OLIG3: variants seen among roughly 807,000 people sequenced by gnomAD.
OLIG3 encodes the protein oligodendrocyte transcription factor 3.
OLIG3 carries 12 observed loss-of-function variants against 14.7 expected under a neutral mutation model. That is an observed-to-expected ratio of 0.82 (90% CI 0.52 to 1.32). The LOEUF (loss-of-function observed/expected upper bound fraction) is 1.32. Among genes scored for constraint, OLIG3 ranks in the 40% most tolerant of loss-of-function variants. The probability of loss-of-function intolerance (pLI) is 0.00; values close to 1 mark genes in which losing one functional copy is unlikely to be tolerated. For missense variants in OLIG3, 405 were observed against 373.7 expected, an observed-to-expected ratio of 1.08 and a Z score of -0.69; for synonymous variants, 192 against 171.4, an observed-to-expected ratio of 1.12 and a Z score of -0.94.
rs746125682 is a variant in OLIG3, at chr6:137,494,072, C to CTGG, written c.96_98dup (p.His32dup). The CTGG allele has an allele frequency of 3.1e-6, 5 of 1,611,660 alleles. No individual in the cohort carries two copies. The highest frequency in any genetic ancestry group is 1.3e-5 in the African/African-American group (1 of 74,916). The stretch of plus-strand genomic sequence containing the variant: ...ACGAGACCGAGTTGAGACGGCTCTC[C>CTGG]TGGTGGTGGTGGTGGCGGTGGTGGT... On this transcript the variant is annotated inframe_insertion, in exon 1 of 1. Transcript: ENST00000367734.
At position 137,493,293 on chromosome 6, in the gene OLIG3, G is replaced by A; in HGVS notation, c.*59C>T. ...CAGCCTCCCTCTTCCCTCCCGGCCC[G>A]GCACCGCGGCCCCTCCCGCCGCTCT... On this transcript the variant is annotated 3_prime_UTR_variant, in exon 1 of 1. Coordinates refer to ENST00000367734, the MANE Select transcript of OLIG3 (RefSeq NM_175747.2). This position sits in a 1 kb window ranked among gnomAD's most constrained non-coding sequence, Gnocchi z 6.1. 2 of 1,387,764 alleles carry A rather than the reference G, an allele frequency of 1.4e-6. No homozygotes were observed. Among genetic ancestry groups the A allele is most frequent in the Non-Finnish European group, 1.9e-6 (2 of 1,055,156 alleles). The allele number at this position is 1,387,764 out of a possible 1,614,324, so 86.0% of individuals were successfully genotyped here.
rs2114737947 is a variant in OLIG3, at chr6:137,493,266, T to C, written c.*86A>G. ...AGCCTGCCCTCCCGTGGGCCGAGCG[T>C]GCAGCCTCCCTCTTCCCTCCCGGCC... is the stretch of plus-strand genomic sequence containing the variant. On this transcript the variant is annotated 3_prime_UTR_variant, in exon 1 of 1. Coordinates refer to ENST00000367734, the MANE Select transcript of OLIG3 (RefSeq NM_175747.2). This position sits in a 1 kb window ranked among gnomAD's most constrained non-coding sequence, Gnocchi z 6.1. 2 of 1,148,812 alleles carry C rather than the reference T, an allele frequency of 1.7e-6. No homozygotes were observed. The highest frequency in any genetic ancestry group is 1.7e-5 in the South Asian group (1 of 60,394). The allele number at this position is 1,148,812 out of a possible 1,614,324, so 71.2% of individuals were successfully genotyped here.
Position 137,493,292 on chromosome 6 carries a change from C to T in OLIG3, c.*60G>A, listed in dbSNP as rs1308285629. On this transcript the variant is annotated 3_prime_UTR_variant, in exon 1 of 1. Coordinates refer to ENST00000367734, the MANE Select transcript of OLIG3 (RefSeq NM_175747.2). The surrounding 1 kb of genome is among the most constrained non-coding windows in gnomAD (Gnocchi z 6.1). ...GCAGCCTCCCTCTTCCCTCCCGGCCCGGCACCGCGGCCCCTCCCGCCGCTC... is the reference window on the plus strand; with the variant it reads ...GCAGCCTCCCTCTTCCCTCCCGGCCTGGCACCGCGGCCCCTCCCGCCGCTC... 2 of 1,382,500 alleles carry T rather than the reference C, an allele frequency of 1.4e-6. No homozygotes were observed. Among genetic ancestry groups the T allele is most frequent in the Non-Finnish European group, 1.9e-6 (2 of 1,049,800 alleles). The allele number at this position is 1,382,500 out of a possible 1,614,324, so 85.6% of individuals were successfully genotyped here.
In OLIG3 at chr6:137,494,014, C is replaced by T. The variant is rs1254847652; in HGVS notation, c.157G>A (p.Gly53Arg). 5.0e-6 allele frequency: 8 copies of T among 1,613,178 alleles called. No individual in the cohort carries two copies. Among genetic ancestry groups the T allele is most frequent in the South Asian group, 2.2e-5 (2 of 91,084 alleles). Residue 53 changes from glycine (G) to arginine (R), a missense_variant, in exon 1 of 1, where the codon GGG (glycine) becomes AGG (arginine). By Grantham distance (125) the Gly-to-Arg change is moderately radical. Around this residue, in one of 3 missense-constraint regions of OLIG3, gnomAD observed 165 missense variants for 165.5 expected, o/e 1.00. Coordinates refer to ENST00000367734, the MANE Select transcript of OLIG3 (RefSeq NM_175747.2). The stretch of plus-strand genomic sequence containing the variant: ...GCGCCAGCCCGCGAGAGGCTTTCCC[C>T]GGGCATCTTCTGCATCATATCGCCC... ...TQGDMMQKMP[G>R]ESLSRAGAKA...
In OLIG3 at chr6:137,493,290, C is replaced by T; in HGVS notation, c.*62G>A. On this transcript the variant is annotated 3_prime_UTR_variant, in exon 1 of 1. Coordinates refer to ENST00000367734, the MANE Select transcript of OLIG3 (RefSeq NM_175747.2). This position sits in a 1 kb window ranked among gnomAD's most constrained non-coding sequence, Gnocchi z 6.1. The stretch of plus-strand genomic sequence containing the variant: ...GTGCAGCCTCCCTCTTCCCTCCCGG[C>T]CCGGCACCGCGGCCCCTCCCGCCGC... 3.6e-6 allele frequency: 5 copies of T among 1,374,096 alleles called. No individual in the cohort carries two copies. The highest frequency in any genetic ancestry group is 4.8e-6 in the Non-Finnish European group (5 of 1,042,858). 85.1% of individuals were successfully genotyped at this position (1,374,096 alleles called of 1,614,324 possible).
In OLIG3 at chr6:137,494,364, C is replaced by T; in HGVS notation, c.-194G>A. Reference sequence around the variant, plus strand: ...GCCCCTCTCTCTGGTTAGGCTGCTTCCTGGACAGCTAGTTGGTGTGTGCTT... The same window carrying T: ...GCCCCTCTCTCTGGTTAGGCTGCTTTCTGGACAGCTAGTTGGTGTGTGCTT... On this transcript the variant is annotated 5_prime_UTR_variant, in exon 1 of 1. Coordinates refer to ENST00000367734, the MANE Select transcript of OLIG3 (RefSeq NM_175747.2). 1.6e-6 allele frequency: 1 copy of T among 618,862 alleles called. No individual in the cohort carries two copies. The highest frequency in any genetic ancestry group is 2.9e-6 in the Non-Finnish European group (1 of 343,688). The allele number at this position is 618,862 out of a possible 1,614,324, so 38.3% of individuals were successfully genotyped here.
rs751390423 is a variant in OLIG3, at chr6:137,493,554, A to T, written c.617T>A (p.Ile206Asn). Residue 206 changes from isoleucine (I) to asparagine (N), a missense_variant, in exon 1 of 1, where the codon ATC (isoleucine) becomes AAC (asparagine). Ile to Asn is a moderately radical substitution (Grantham distance 149). This residue lies in a region of OLIG3 where 230 missense variants were observed against 178.5 expected (regional missense o/e 1.29). Transcript: ENST00000367734. The surrounding 1 kb of genome is among the most constrained non-coding windows in gnomAD (Gnocchi z 6.1). ...SPLSAASLPA[I>N]GTIRPPHSLL... is the part of the protein sequence containing the mutation. ...CGAGTGGGGAGGCCGGATGGTGCCG[A>T]TGGCGGGAAGTGAGGCGGCGGACAG... is the stretch of plus-strand genomic sequence containing the variant. The T allele has an allele frequency of 6.3e-7, 1 of 1,586,478 alleles. No homozygotes were observed. The highest frequency in any genetic ancestry group is 8.6e-7 in the Non-Finnish European group (1 of 1,168,214).
In OLIG3 at chr6:137,494,074, G is replaced by A; in HGVS notation, c.97C>T (p.Gln33Ter). ...GAGACCGAGTTGAGACGGCTCTCCT[G>A]GTGGTGGTGGTGGCGGTGGTGGTGG... is the stretch of plus-strand genomic sequence containing the variant. ...RDHHHRHHHH[Q>*]ESRLNSVSST... The change falls in exon 1 of 1, where the codon CAG (glutamine) becomes TAG (stop). Residue 33 changes from glutamine (Q) to a stop codon, truncating the protein, a stop_gained. Transcript: ENST00000367734. LOFTEE classifies it high-confidence loss of function. 6.2e-7 allele frequency: 1 copy of A among 1,610,206 alleles called. No homozygotes were observed. Among genetic ancestry groups the A allele is most frequent in the Non-Finnish European group, 8.5e-7 (1 of 1,179,210 alleles).
At position 137,494,319 on chromosome 6, in the gene OLIG3, C is replaced by T. The variant is rs576701398; in HGVS notation, c.-149G>A. The stretch of plus-strand genomic sequence containing the variant: ...AAGAAAAGCGGAGACGCTGCTTTTC[C>T]CCGCCTCTCTCCCTCCCACGCCCCT... On this transcript the variant is annotated 5_prime_UTR_variant, in exon 1 of 1. Coordinates refer to ENST00000367734, the MANE Select transcript of OLIG3 (RefSeq NM_175747.2). 9.8e-5 allele frequency: 68 copies of T among 694,020 alleles called. No individual in the cohort carries two copies. Among genetic ancestry groups the T allele is most frequent in the Non-Finnish European group, 1.6e-4 (64 of 410,386 alleles). 43.0% of individuals were successfully genotyped at this position (694,020 alleles called of 1,614,324 possible).
At position 137,493,879 on chromosome 6, in the gene OLIG3, C is replaced by A. The variant is rs1042214993; in HGVS notation, c.292G>T (p.Asp98Tyr). The stretch of plus-strand genomic sequence containing the variant: ...AGCCCGTCCATGGCTAGGTTCAGGT[C>A]GTGCATCCGCTTGCGTTCGCGTCCG... ...INGRERKRMHDLNLAMDGLRE... is the reference protein window; with the variant it reads ...INGRERKRMHYLNLAMDGLRE... The change falls in exon 1 of 1, where the codon GAC becomes TAC. Residue 98 changes from aspartate to tyrosine, a missense_variant. Physicochemically the swap from Asp to Tyr is radical, Grantham distance 160 (BLOSUM62 -3). Transcript: ENST00000367734. This position sits in a 1 kb window ranked among gnomAD's most constrained non-coding sequence, Gnocchi z 6.1. 2.5e-6 allele frequency: 4 copies of A among 1,614,254 alleles called. No homozygotes were observed. Among genetic ancestry groups the A allele is most frequent in the Non-Finnish European group, 3.4e-6 (4 of 1,180,046 alleles).
chr6:137,493,086 T>C lies in OLIG3; in HGVS notation c.*266A>G. ...GGCAGTGAAAAATACTGGCGCGGCA[T>C]GGGGAAAAGAAGCATGCATGCAAAA... On this transcript the variant is annotated 3_prime_UTR_variant, in exon 1 of 1. Transcript: ENST00000367734. The surrounding 1 kb of genome is among the most constrained non-coding windows in gnomAD (Gnocchi z 6.1). The C allele has an allele frequency of 2.2e-6, 1 of 461,006 alleles. No homozygotes were observed. Among genetic ancestry groups the C allele is most frequent in the Non-Finnish European group, 3.8e-6 (1 of 261,538 alleles). 28.6% of individuals were successfully genotyped at this position (461,006 alleles called of 1,614,324 possible).
Position 137,493,131 on chromosome 6 carries a change from G to A in OLIG3, c.*221C>T. On this transcript the variant is annotated 3_prime_UTR_variant, in exon 1 of 1. Coordinates refer to ENST00000367734, the MANE Select transcript of OLIG3 (RefSeq NM_175747.2). This position sits in a 1 kb window ranked among gnomAD's most constrained non-coding sequence, Gnocchi z 6.1. ...GCAAAACACACGACATCTGGTTCGA[G>A]TCCCCCTTTGCTACCACCTAGAAAT... is the stretch of plus-strand genomic sequence containing the variant. The A allele has an allele frequency of 5.7e-6, 3 of 528,828 alleles. No individual in the cohort carries two copies. Among genetic ancestry groups the A allele is most frequent in the Non-Finnish European group, 9.9e-6 (3 of 303,094 alleles). 32.8% of individuals were successfully genotyped at this position (528,828 alleles called of 1,614,324 possible).
rs1406073240 is a variant in OLIG3, at chr6:137,494,093, G to A, written c.78C>T (p.His26=). The part of the protein sequence containing the change: ...DMDEMYLRDH[H]HRHHHHQESR... ...TCTCCTGGTGGTGGTGGTGGCGGTGGTGGTGGTCCCTCAGGTACATCTCAT... is the reference window on the plus strand; with the variant it reads ...TCTCCTGGTGGTGGTGGTGGCGGTGATGGTGGTCCCTCAGGTACATCTCAT... The change falls in exon 1 of 1, where the codon CAC becomes CAT. Residue 26 remains histidine (H), a synonymous_variant. Transcript: ENST00000367734. 3.7e-6 allele frequency: 6 copies of A among 1,612,646 alleles called. No homozygotes were observed. The highest frequency in any genetic ancestry group is 3.3e-5 in the Admixed American group (2 of 60,030).
At position 137,493,930 on chromosome 6, in the gene OLIG3, G is replaced by C; in HGVS notation, c.241C>G (p.Leu81Val). The C allele has an allele frequency of 6.2e-7, 1 of 1,614,232 alleles. No homozygotes were observed. The highest frequency in any genetic ancestry group is 8.5e-7 in the Non-Finnish European group (1 of 1,180,048). ...KIKKQLSEQD[L>V]QQLRLKINGR... Reference sequence around the variant, plus strand: ...TTGATCTTCAGCCTCAACTGCTGTAGGTCCTGCTCCGACAGCTGCTTCTTG... The same window carrying C: ...TTGATCTTCAGCCTCAACTGCTGTACGTCCTGCTCCGACAGCTGCTTCTTG... The change falls in exon 1 of 1, where the codon CTA becomes GTA. Residue 81 changes from leucine (L) to valine (V), a missense_variant. By Grantham distance (32) the Leu-to-Val change is conservative. Coordinates refer to ENST00000367734, the MANE Select transcript of OLIG3 (RefSeq NM_175747.2). The surrounding 1 kb of genome is among the most constrained non-coding windows in gnomAD (Gnocchi z 6.1).
chr6:137,493,336 C>T lies in OLIG3; in HGVS notation c.*16G>A, dbSNP rs551877447. On this transcript the variant is annotated 3_prime_UTR_variant, in exon 1 of 1. Transcript: ENST00000367734. The surrounding 1 kb of genome is among the most constrained non-coding windows in gnomAD (Gnocchi z 6.1). ...GCCGCTCTCCCTCCTCCTTGGCAGCCGGGCCCGCCCGCTGCTCACTTGAGC... is the reference window on the plus strand; with the variant it reads ...GCCGCTCTCCCTCCTCCTTGGCAGCTGGGCCCGCCCGCTGCTCACTTGAGC... 3 of 1,530,250 alleles carry T rather than the reference C, an allele frequency of 2.0e-6. No homozygotes were observed. The highest frequency in any genetic ancestry group is 2.3e-5 in the East Asian group (1 of 42,726). The allele number at this position is 1,530,250 out of a possible 1,614,324, so 94.8% of individuals were successfully genotyped here. A position where few individuals can be genotyped will look rare whatever the true frequency, so the allele number is the denominator to read the frequency against.
chr6:137,492,516 A>G lies in OLIG3; in HGVS notation c.*836T>C, dbSNP rs1783130343. The G allele has an allele frequency of 1.3e-5, 2 of 150,096 alleles. No homozygotes were observed. The highest frequency in any genetic ancestry group is 1.3e-4 in the Admixed American group (2 of 15,082). The allele number at this position is 150,096 out of a possible 1,614,324, so 9.3% of individuals were successfully genotyped here. A position where few individuals can be genotyped will look rare whatever the true frequency, so the allele number is the denominator to read the frequency against. On this transcript the variant is annotated 3_prime_UTR_variant, in exon 1 of 1. Transcript: ENST00000367734. ...AGAACAGCAAAGGAAGGTTCCGAATAAAGTTTGAAGGGGGTGGGGGTGGGA... is the reference window on the plus strand; with the variant it reads ...AGAACAGCAAAGGAAGGTTCCGAATGAAGTTTGAAGGGGGTGGGGGTGGGA...
At position 137,494,209 on chromosome 6, in the gene OLIG3, TA is replaced by T; in HGVS notation, c.-40del. The T allele has an allele frequency of 6.6e-7, 1 of 1,515,990 alleles. No individual in the cohort carries two copies. Among genetic ancestry groups the T allele is most frequent in the Middle Eastern group, 1.9e-4 (1 of 5,328 alleles). 93.9% of individuals were successfully genotyped at this position (1,515,990 alleles called of 1,614,324 possible). A position where few individuals can be genotyped will look rare whatever the true frequency, so the allele number is the denominator to read the frequency against. ...ATGCGGCCCTACCGTGGGGAGGCTT[TA>T]GGCGGGAAATTAAAGAAAATCTTGA... On this transcript the variant is annotated 5_prime_UTR_variant, in exon 1 of 1. Coordinates refer to ENST00000367734, the MANE Select transcript of OLIG3 (RefSeq NM_175747.2).
In OLIG3 at chr6:137,493,285, C is replaced by T. The variant is rs920784210; in HGVS notation, c.*67G>A. On this transcript the variant is annotated 3_prime_UTR_variant, in exon 1 of 1. Coordinates refer to ENST00000367734, the MANE Select transcript of OLIG3 (RefSeq NM_175747.2). This position sits in a 1 kb window ranked among gnomAD's most constrained non-coding sequence, Gnocchi z 6.1. ...CGAGCGTGCAGCCTCCCTCTTCCCT[C>T]CCGGCCCGGCACCGCGGCCCCTCCC... 6.7e-6 allele frequency: 9 copies of T among 1,346,740 alleles called. No homozygotes were observed. Among genetic ancestry groups the T allele is most frequent in the Non-Finnish European group, 8.8e-6 (9 of 1,021,002 alleles). 83.4% of individuals were successfully genotyped at this position (1,346,740 alleles called of 1,614,324 possible).
At position 137,493,251 on chromosome 6, in the gene OLIG3, C is replaced by G. The variant is rs1783144976; in HGVS notation, c.*101G>C. The G allele has an allele frequency of 8.1e-6, 8 of 987,318 alleles. No homozygotes were observed. In the East Asian group the frequency reaches 2.1e-4, roughly 25 times the overall value. The allele number at this position is 987,318 out of a possible 1,614,324, so 61.2% of individuals were successfully genotyped here. Reference sequence around the variant, plus strand: ...GGCTGCGGGCCCCGGAGCCTGCCCTCCCGTGGGCCGAGCGTGCAGCCTCCC... The same window carrying G: ...GGCTGCGGGCCCCGGAGCCTGCCCTGCCGTGGGCCGAGCGTGCAGCCTCCC... On this transcript the variant is annotated 3_prime_UTR_variant, in exon 1 of 1. Coordinates refer to ENST00000367734, the MANE Select transcript of OLIG3 (RefSeq NM_175747.2). The surrounding 1 kb of genome is among the most constrained non-coding windows in gnomAD (Gnocchi z 6.1).
Sources: gnomAD v4.1 joint callset for allele counts on GRCh38, gnomAD v4.1.1 for gene constraint, gnomAD v4.1.1 regional missense constraint, Gnocchi (gnomAD v3.1) non-coding constraint, MANE v1.5 for transcripts, NCBI Gene and HGNC (gene_info 2026-07-23, HGNC 2026-07-21) for gene names.